The following TCF12 variants were observed in gnomAD, a reference collection of about 807,000 sequenced individuals.
TCF12 encodes the protein DNA-binding protein HTF4.
Under a neutral mutation model 86.0 loss-of-function variants are expected in TCF12, and 45 were observed. The observed-to-expected ratio is 0.52, with a 90% CI of 0.41 to 0.67. TCF12 has a LOEUF of 0.67. Ranked by LOEUF, TCF12 falls within the 30% of genes least tolerant of loss-of-function variation. The pLI is 0.00. For missense variants in TCF12, 881 were observed against 859.9 expected (o/e 1.02, Z -0.31); for synonymous variants, 330 against 299.6 (o/e 1.10, Z -1.05).
At chr15:57,002,099 A>G (rs1244547999) in intron 3 of TCF12, among the ~76,000 whole-genome samples, 4 of 152,232 alleles carry the variant, frequency 2.6e-5, no homozygotes, top group Admixed American at 2.0e-4. Flanking sequence ...TCAGAAGTCA[A>G]TGATTGGAGC....
intron 6 of TCF12, among the ~76,000 whole-genome samples, chr15:57,185,605 A>G (rs533812847): frequency 6.6e-6 from 1 of 152,324 alleles, no homozygotes; most frequent in East Asian, 1.9e-4. Context: ...TTCTTTAAAA[A>G]TATCAACAAG....
At chr15:57,273,313 C>T (rs372430836) in intron 19 of TCF12, 51 bp downstream of exon 19, 457 of 1,557,342 alleles carry the variant, frequency 2.9e-4, no homozygotes, top group Non-Finnish European at 2.4e-4. Context: ...GATGGGCAGA[C>T]ATTTCTGTTT....
chr15:57,205,305 AAAAAAT>A (rs767398106), intron 8 of TCF12, among the ~76,000 whole-genome samples: 2 of 152,182 alleles, frequency 1.3e-5, no homozygotes, highest in Non-Finnish European at 2.9e-5. Flanking sequence ...CCTGTCTTAA[AAAAAAT>A]AAAAATAAAA....
chr15:57,141,160 T>C (rs2052933919), intron 5 of TCF12, among the ~76,000 whole-genome samples: 1 of 152,228 alleles, frequency 6.6e-6, no homozygotes, highest in African/African-American at 2.4e-5. Flanking sequence ...TCTCCACTGG[T>C]ATCAAATCCT....
intron 3 of TCF12, among the ~76,000 whole-genome samples, chr15:56,945,103 A>G (rs1449883441): frequency 1.3e-5 from 2 of 152,112 alleles, no homozygotes; most frequent in African/African-American, 2.4e-5. Context: ...GTTCTATTAT[A>G]TGTGGCATTA....
intron 3 of TCF12, among the ~76,000 whole-genome samples, chr15:56,945,161 T>G (rs1188012269): frequency 6.6e-6 from 1 of 152,220 alleles, no homozygotes; most frequent in Non-Finnish European, 1.5e-5. Flanking sequence ...AGTGATTGAT[T>G]TTTATATTGA....
chr15:57,273,271 G>A lies in TCF12; in HGVS notation c.1978+9G>A, dbSNP rs1267637510. 2 of 1,613,170 alleles carry A rather than the reference G, an allele frequency of 1.2e-6. No homozygotes were observed. The highest frequency in any genetic ancestry group is 2.2e-5 in the East Asian group (1 of 44,878). ...AGAACAGCAAGTCAGAGGTAAGTAG[G>A]TTCAGCCGAGATGTATAACTGTTCT... On this transcript the variant is annotated intron_variant, in intron 19 of 20. Coordinates refer to ENST00000333725, the MANE Select transcript of TCF12 (RefSeq NM_207037.2).
intron 3 of TCF12, among the ~76,000 whole-genome samples, chr15:57,051,877 A>G (rs1567323780): frequency 1.3e-5 from 2 of 152,088 alleles, no homozygotes; most frequent in Admixed American, 6.5e-5. Flanking sequence ...CAGTTTTCCC[A>G]TTGCCATTTT....
chr15:56,944,165 A>G (rs1159247587), intron 3 of TCF12, among the ~76,000 whole-genome samples: 1 of 152,208 alleles, frequency 6.6e-6, no homozygotes, highest in African/African-American at 2.4e-5. Flanking sequence ...GCTATGTATT[A>G]TATTGTGTTA....
chr15:57,246,435 T>C (rs1184170139), intron 13 of TCF12, among the ~76,000 whole-genome samples: 3 of 152,180 alleles, frequency 2.0e-5, no homozygotes, highest in African/African-American at 7.2e-5. Context: ...GGATTTATTA[T>C]CTTGTGTTGT....
chr15:57,007,806 CTTTCTTTCTTTCTTTT>C (rs2064513554), intron 3 of TCF12, among the ~76,000 whole-genome samples: 1 of 120,330 alleles, frequency 8.3e-6, no homozygotes, highest in Non-Finnish European at 1.9e-5. Flanking sequence ...TTCTTTCTTT[CTTTCTTTCTTTCTTTT>C]TCTTTCTTTC....
At position 56,950,869 on chromosome 15, in the gene TCF12, G is replaced by T. The variant is rs1207240078; in HGVS notation, c.148+29771G>T. On this transcript the variant is annotated intron_variant, in intron 3 of 20. Transcript: ENST00000333725. ...CCTCCCAGGTTCAAGCGATTCTCGT[G>T]CCTCAGCCTCCCGAGTAGCTGGGAT... Among the ~76,000 whole-genome samples, 20 of 147,782 alleles carry T rather than the reference G, an allele frequency of 1.4e-4. No homozygotes were observed. In the Admixed American group the frequency reaches 1.4e-3, roughly 10 times the overall value.
chr15:56,968,421 A>T (rs189927299), intron 3 of TCF12, among the ~76,000 whole-genome samples: 2 of 148,702 alleles, frequency 1.3e-5, no homozygotes, highest in Admixed American at 1.4e-4. Flanking sequence ...GAGTGTAGTC[A>T]CTGTTCACAG....
intron 3 of TCF12, among the ~76,000 whole-genome samples, chr15:56,960,286 G>T (rs540339049): frequency 2.0e-5 from 3 of 152,126 alleles, no homozygotes; most frequent in Admixed American, 2.0e-4. Flanking sequence ...CATTTTTGCA[G>T]TAAAGTTCTA....
intron 4 of TCF12, among the ~76,000 whole-genome samples, chr15:57,070,885 T>A (rs1379667988): frequency 6.6e-6 from 1 of 152,142 alleles, no homozygotes; most frequent in African/African-American, 2.4e-5. Context: ...CTTAAGAGTG[T>A]ATCTATGGGC....
At chr15:57,136,086 T>C (rs529524941) in intron 5 of TCF12, among the ~76,000 whole-genome samples, 1 of 152,354 alleles carries the variant, frequency 6.6e-6, no homozygotes, top group South Asian at 2.1e-4. Flanking sequence ...TATGTGGAAA[T>C]CTATAATTTG....
intron 3 of TCF12, among the ~76,000 whole-genome samples, chr15:56,987,156 G>C (rs754432965): frequency 1.3e-5 from 2 of 151,808 alleles, no homozygotes; most frequent in Non-Finnish European, 2.9e-5. Flanking sequence ...TGTTGCCCAG[G>C]CCTGGAGTTC....
At chr15:57,215,116 C>T (rs1566927873) in intron 8 of TCF12, among the ~76,000 whole-genome samples, 1 of 152,094 alleles carries the variant, frequency 6.6e-6, no homozygotes, top group Non-Finnish European at 1.5e-5. Context: ...ACCAGAATAA[C>T]AACTTTCTGA....
At chr15:57,056,116 G>GATGT (rs1555492327) in intron 3 of TCF12, among the ~76,000 whole-genome samples, 1 of 143,238 alleles carries the variant, frequency 7.0e-6, no homozygotes, top group Non-Finnish European at 1.5e-5. Context: ...TAGTTTTAGG[G>GATGT]GTGTGTGTGT....
Sources: allele counts gnomAD v4.1 joint callset (sites outside exome capture counted in the v4.1 genomes callset), GRCh38; gene constraint gnomAD v4.1.1; transcripts MANE v1.5; gene names NCBI Gene and HGNC (gene_info 2026-07-23, HGNC 2026-07-21).